EFNA2: variants seen among roughly 807,000 people sequenced by gnomAD.
EFNA2 encodes the protein ephrin-A2.
Under a neutral mutation model 19.7 loss-of-function variants are expected in EFNA2, and 18 were observed. The ratio of observed to expected loss-of-function variants is 0.91; its 90% confidence interval spans 0.63 to 1.35. EFNA2 has a LOEUF of 1.35. Ranked by LOEUF, EFNA2 falls within the 40% of genes most tolerant of loss-of-function variation. The pLI, the probability that EFNA2 is intolerant of heterozygous loss-of-function variation, is 0.00. For missense variants in EFNA2, 303 were observed against 296.0 expected, an observed-to-expected ratio of 1.02 and a Z score of -0.17; for synonymous variants, 187 against 137.8, an observed-to-expected ratio of 1.36 and a Z score of -2.50.
At chr19:1,285,627 T>C (rs1568857782), upstream of EFNA2, among the ~76,000 whole-genome samples, 1 of 151,232 alleles carries the variant, frequency 6.6e-6, no homozygotes. The surrounding 1 kb of genome is among the most constrained non-coding windows in gnomAD (Gnocchi z 4.1). Flanking sequence ...GTGGAGCGCG[T>C]GGGGGCGCGG....
intron 1 of EFNA2, among the ~76,000 whole-genome samples, chr19:1,293,748 A>T (rs940883373): frequency 5.9e-5 from 9 of 152,164 alleles, no homozygotes; most frequent in African/African-American, 1.9e-4. Context: ...GGGTGACTTC[A>T]CCGCCTCCGC....
At chr19:1,298,512 G>A (rs762661491) in intron 2 of EFNA2, 39 bp from the exon 3 acceptor site, 53 of 1,608,652 alleles carry the variant, frequency 3.3e-5, no homozygotes, top group Non-Finnish European at 4.5e-5. Context: ...CAGGCACCAA[G>A]AGGCACTTCC....
intron 1 of EFNA2, among the ~76,000 whole-genome samples, chr19:1,292,283 C>T (rs1408483589): frequency 2.6e-5 from 4 of 152,360 alleles, no homozygotes; most frequent in Non-Finnish European, 4.4e-5. Context: ...GGGAAAAATA[C>T]GGCCCCACTC....
In EFNA2 at chr19:1,286,387, G is replaced by T; in HGVS notation, c.140+79G>T. ...CCGCGCCCGGCCTCGCGCCCCCGGA[G>T]CTCCGGGCGCCCCCCACGCGCGCGC... On this transcript the variant is annotated intron_variant, in intron 1 of 3. Coordinates refer to ENST00000215368, the MANE Select transcript of EFNA2 (RefSeq NM_001405.4). This position sits in a 1 kb window ranked among gnomAD's most constrained non-coding sequence, Gnocchi z 5.6. 1.4e-6 allele frequency: 1 copy of T among 711,712 alleles called. No homozygotes were observed. Among genetic ancestry groups the T allele is most frequent in the Non-Finnish European group, 1.7e-6 (1 of 582,992 alleles). 44.1% of individuals were successfully genotyped at this position (711,712 alleles called of 1,614,324 possible). A position where few individuals can be genotyped will look rare whatever the true frequency, so the allele number is the denominator to read the frequency against.
Position 1,298,604 on chromosome 19 carries a change from G to GTGC in EFNA2, c.509_511dup (p.Val170_Arg171insLeu). ...GCCCTGCCTGCGACTGAAGGTGTACGTGCGGCCGACCAGTAAGTGCTCAGG... is the reference window on the plus strand; with the variant it reads ...GCCCTGCCTGCGACTGAAGGTGTACGTGCTGCGGCCGACCAGTAAGTGCTCAGG... On this transcript the variant is annotated inframe_insertion, in exon 3 of 4. Transcript: ENST00000215368. The GTGC allele has an allele frequency of 6.2e-7, 1 of 1,613,922 alleles. No individual in the cohort carries two copies. Among genetic ancestry groups the GTGC allele is most frequent in the Non-Finnish European group, 8.5e-7 (1 of 1,179,974 alleles).
intron 1 of EFNA2, among the ~76,000 whole-genome samples, chr19:1,289,348 T>TGTGCGTGTCTGCGTGTGGG (rs1234583728): frequency 1.3e-5 from 2 of 152,204 alleles, no homozygotes. Flanking sequence ...TGCAGGTGTG[T>TGTGCGTGTCTGCGTGTGGG]GTGCGTGTCT....
At chr19:1,290,896 C>T (rs1462553186) in intron 1 of EFNA2, among the ~76,000 whole-genome samples, 3 of 152,218 alleles carry the variant, frequency 2.0e-5, no homozygotes, top group Non-Finnish European at 2.9e-5. Flanking sequence ...GTGGCCGAGT[C>T]GGTCCTGGTG....
rs1196358790 is a variant in EFNA2, at chr19:1,296,039, G to A, written c.454+181G>A. On this transcript the variant is annotated intron_variant, in intron 2 of 3. Coordinates refer to ENST00000215368, the MANE Select transcript of EFNA2 (RefSeq NM_001405.4). This position sits in a 1 kb window ranked among gnomAD's most constrained non-coding sequence, Gnocchi z 4.4. ...GGCCGCGGAATGGGGCCAGGGGGGA[G>A]TGGGCGGGGCCGCGGAGTGGGGCCA... Among the ~76,000 whole-genome samples, 2 of 146,336 alleles carry A rather than the reference G, an allele frequency of 1.4e-5. No homozygotes were observed. The highest frequency in any genetic ancestry group is 3.0e-5 in the Non-Finnish European group (2 of 65,990).
chr19:1,285,188 C>T (rs1357093477), upstream of EFNA2, among the ~76,000 whole-genome samples: 4 of 152,230 alleles, frequency 2.6e-5, no homozygotes, highest in African/African-American at 9.6e-5. This position sits in a 1 kb window ranked among gnomAD's most constrained non-coding sequence, Gnocchi z 4.1. Context: ...GATCAGACCC[C>T]GGGTCTTTGC....
Position 1,300,017 on chromosome 19 carries a change from C to T in EFNA2, c.*72C>T. 2 of 1,492,708 alleles carry T rather than the reference C, an allele frequency of 1.3e-6. No individual in the cohort carries two copies. Among genetic ancestry groups the T allele is most frequent in the Non-Finnish European group, 8.9e-7 (1 of 1,126,680 alleles). 92.5% of individuals were successfully genotyped at this position (1,492,708 alleles called of 1,614,324 possible). ...ACCGCCTGACCTCGGCCCTCCGGAC[C>T]CGGCTGCGGCCCCCGCCTCCGAGAC... On this transcript the variant is annotated 3_prime_UTR_variant, in exon 4 of 4. Coordinates refer to ENST00000215368, the MANE Select transcript of EFNA2 (RefSeq NM_001405.4).
In EFNA2 at chr19:1,287,563, G is replaced by A. The variant is rs931339872; in HGVS notation, c.140+1255G>A. Among the ~76,000 whole-genome samples the A allele has an allele frequency of 2.6e-5, 4 of 152,114 alleles. No homozygotes were observed. The highest frequency in any genetic ancestry group is 1.9e-4 in the East Asian group (1 of 5,178). ...TTGAGGCGGGCTCGGGGACAAGGGC[G>A]GCCCGTGTTCCGCCGTGGGGGTGGG... On this transcript the variant is annotated intron_variant, in intron 1 of 3. Transcript: ENST00000215368. The surrounding 1 kb of genome is among the most constrained non-coding windows in gnomAD (Gnocchi z 6.2).
chr19:1,298,435 T>A, intron 2 of EFNA2, 116 bp from the exon 3 acceptor site: 1 of 956,696 alleles, frequency 1.0e-6, no homozygotes, highest in Non-Finnish European at 1.6e-6. Flanking sequence ...GTTTTAAGGG[T>A]GGCTCTCCAC....
rs776449801 is a variant in EFNA2, at chr19:1,295,836, C to G, written c.432C>G (p.Pro144=). 1.1e-5 allele frequency: 17 copies of G among 1,604,078 alleles called. No individual in the cohort carries two copies. Among genetic ancestry groups the G allele is most frequent in the Non-Finnish European group, 1.2e-5 (14 of 1,177,140 alleles). Residue 144 remains proline (P), a synonymous_variant, in exon 2 of 4, where the codon CCC becomes CCG. Coordinates refer to ENST00000215368, the MANE Select transcript of EFNA2 (RefSeq NM_001405.4). The surrounding 1 kb of genome is among the most constrained non-coding windows in gnomAD (Gnocchi z 5.8). ...TPFSLGFEFR[P]GHEYYYISAT... is the part of the protein sequence containing the mutation. ...TCTCCCTGGGCTTCGAGTTCCGGCCCGGCCACGAGTATTACTACATCTGTG... is the reference window on the plus strand; with the variant it reads ...TCTCCCTGGGCTTCGAGTTCCGGCCGGGCCACGAGTATTACTACATCTGTG...
In EFNA2 at chr19:1,297,101, G is replaced by A. The variant is rs895506985; in HGVS notation, c.454+1243G>A. On this transcript the variant is annotated intron_variant, in intron 2 of 3. Coordinates refer to ENST00000215368, the MANE Select transcript of EFNA2 (RefSeq NM_001405.4). The surrounding 1 kb of genome is among the most constrained non-coding windows in gnomAD (Gnocchi z 5.0). ...TCACACTCGTGGCTTCCGCCGTGGC[G>A]CTGAGACTGAGGGATTCTCGTGGAG... Among the ~76,000 whole-genome samples, 4 of 152,164 alleles carry A rather than the reference G, an allele frequency of 2.6e-5. No homozygotes were observed. Among genetic ancestry groups the A allele is most frequent in the Admixed American group, 1.3e-4 (2 of 15,276 alleles).
rs58281257 is a variant in EFNA2, at chr19:1,300,241, ATT to A, written c.*330_*331del. On this transcript the variant is annotated 3_prime_UTR_variant, in exon 4 of 4. Coordinates refer to ENST00000215368, the MANE Select transcript of EFNA2 (RefSeq NM_001405.4). ...CGGAGAACCCGGGAACCTCTTGGCGATTTTTTTTTTTTTTTTTTTTTTTTTTT... is the reference window on the plus strand; with the variant it reads ...CGGAGAACCCGGGAACCTCTTGGCGATTTTTTTTTTTTTTTTTTTTTTTTT... 6.8e-4 allele frequency: 29 copies of A among 42,688 alleles called. No homozygotes were observed. The highest frequency in any genetic ancestry group is 1.2e-3 in the African/African-American group (16 of 12,900). The allele number at this position is 42,688 out of a possible 1,614,324, so 2.6% of individuals were successfully genotyped here.
rs1259575797 is a variant in EFNA2 at position 1,298,632 on chromosome 19, G to A, written c.520+16G>A. ...CGGCCGACCAGTAAGTGCTCAGGGGGATGGGCAGGATCCAGGCCCCCACCC... is the reference window on the plus strand; with the variant it reads ...CGGCCGACCAGTAAGTGCTCAGGGGAATGGGCAGGATCCAGGCCCCCACCC... On this transcript the variant is annotated intron_variant, in intron 3 of 3. Transcript: ENST00000215368. The A allele has an allele frequency of 6.2e-7, 1 of 1,613,210 alleles. No individual in the cohort carries two copies. Among genetic ancestry groups the A allele is most frequent in the Admixed American group, 1.7e-5 (1 of 59,964 alleles).
At position 1,286,806 on chromosome 19, in the gene EFNA2, T is replaced by A. The variant is rs1449124672; in HGVS notation, c.140+498T>A. Reference sequence around the variant, plus strand: ...AGGTCCCCAGATGAACTTGGGGAAGTTGGAGTGTCCCTCCCTCAGGACCCA... The same window carrying A: ...AGGTCCCCAGATGAACTTGGGGAAGATGGAGTGTCCCTCCCTCAGGACCCA... On this transcript the variant is annotated intron_variant, in intron 1 of 3. Coordinates refer to ENST00000215368, the MANE Select transcript of EFNA2 (RefSeq NM_001405.4). This position sits in a 1 kb window ranked among gnomAD's most constrained non-coding sequence, Gnocchi z 5.6. Among the ~76,000 whole-genome samples the A allele has an allele frequency of 6.6e-6, 1 of 152,094 alleles. No homozygotes were observed. The highest frequency in any genetic ancestry group is 1.5e-5 in the Non-Finnish European group (1 of 67,976).
intron 3 of EFNA2, among the ~76,000 whole-genome samples, chr19:1,299,017 C>A (rs1445820842): frequency 6.6e-6 from 1 of 152,144 alleles, no homozygotes; most frequent in Non-Finnish European, 1.5e-5. Flanking sequence ...GCAGGTGGAT[C>A]ACCTGAGGTC....
intron 3 of EFNA2, among the ~76,000 whole-genome samples, chr19:1,299,301 G>A (rs2081529570): frequency 1.3e-5 from 2 of 152,108 alleles, no homozygotes; most frequent in South Asian, 4.1e-4. Context: ...GCTCACACCT[G>A]TAATCCCAGC....
Sources: gnomAD v4.1 joint callset for allele counts (sites outside exome capture counted in the v4.1 genomes callset) on GRCh38, gnomAD v4.1.1 for gene constraint, Gnocchi (gnomAD v3.1) non-coding constraint, MANE v1.5 for transcripts, NCBI Gene and HGNC (gene_info 2026-07-23, HGNC 2026-07-21) for gene names.